The following NUFIP2 variants were observed in gnomAD, a reference collection of about 807,000 sequenced individuals.
NUFIP2 encodes nuclear FMR1 interacting protein 2.
NUFIP2 carries 6 observed loss-of-function variants against 56.9 expected under a neutral mutation model. The ratio of observed to expected loss-of-function variants is 0.11; its 90% CI spans 0.06 to 0.21. The LOEUF is 0.21. NUFIP2 is among the 10% of genes least tolerant of loss of function. The pLI is 1.00. For synonymous variants in NUFIP2, 321 were observed against 298.2 expected (o/e 1.08, Z -0.79); for missense variants, 828 against 826.8 (o/e 1.00, Z -0.02).
rs1378486701 is a variant in NUFIP2 at position 29,258,930 on chromosome 17, A to G, written c.*5609T>C. On this transcript the variant is annotated 3_prime_UTR_variant, in exon 4 of 4. Transcript: ENST00000225388. ...CAACAATATCTAATGAAATGTATTCAAGATCATGAAAGGATCCTCCTCTAT... is the reference window on the plus strand; with the variant it reads ...CAACAATATCTAATGAAATGTATTCGAGATCATGAAAGGATCCTCCTCTAT... 6.6e-6 allele frequency: 1 copy of G among 152,246 alleles called. No individual in the cohort carries two copies. Among genetic ancestry groups the G allele is most frequent in the Non-Finnish European group, 1.5e-5 (1 of 68,044 alleles). 9.4% of individuals were successfully genotyped at this position (152,246 alleles called of 1,614,324 possible). A position where few individuals can be genotyped will look rare whatever the true frequency, so the allele number is the denominator to read the frequency against.
At chr17:29,279,144 G>A (rs1004499600) in intron 2 of NUFIP2, among the ~76,000 whole-genome samples, 3 of 152,100 alleles carry the variant, frequency 2.0e-5, no homozygotes, top group Non-Finnish European at 4.4e-5. Flanking sequence ...TGCAGTAAAC[G>A]TGAAAATACT....
At chr17:29,293,622 G>T (rs1210395850) in intron 1 of NUFIP2, among the ~76,000 whole-genome samples, 161 bp downstream of exon 1, 2 of 152,008 alleles carry the variant, frequency 1.3e-5, no homozygotes, top group Non-Finnish European at 2.9e-5. Context: ...AAACCCCATT[G>T]CTCAGCCCGA....
intron 2 of NUFIP2, among the ~76,000 whole-genome samples, chr17:29,279,343 T>TA (rs200474069): frequency 6.6e-6 from 1 of 152,140 alleles, no homozygotes; most frequent in Non-Finnish European, 1.5e-5. Context: ...AAAAGCTTTT[T>TA]AAAAAATTTT....
In NUFIP2 at chr17:29,294,012, G is replaced by A. The variant is rs1329187723; in HGVS notation, c.48C>T (p.His16=). 1 of 1,612,956 alleles carries A rather than the reference G, an allele frequency of 6.2e-7. No homozygotes were observed. Among genetic ancestry groups the A allele is most frequent in the Non-Finnish European group, 8.5e-7 (1 of 1,179,374 alleles). ...GQPQPQHHHS[H]HHPHHHPQQQ... is the part of the protein sequence containing the mutation. ...GCTGAGGGTGATGGTGCGGATGGTG[G>A]TGGCTGTGATGGTGCTGAGGCTGTG... is the stretch of plus-strand genomic sequence containing the variant. Residue 16 remains histidine (H), a synonymous_variant, in exon 1 of 4, where the codon CAC becomes CAT. Coordinates refer to ENST00000225388, the MANE Select transcript of NUFIP2 (RefSeq NM_020772.3).
rs749597674 is a variant in NUFIP2, at chr17:29,286,224, G to A, written c.1770C>T (p.Ala590=). ...CTATATGACTGGGTTCCAAGGATAAGGCTCCACTCTCACTAGTAGTCCCAG... is the reference window on the plus strand; with the variant it reads ...CTATATGACTGGGTTCCAAGGATAAAGCTCCACTCTCACTAGTAGTCCCAG... The part of the protein sequence containing the change: ...LKSGTTSESG[A]LSLEPSHIGD... Residue 590 remains alanine (A), a synonymous_variant, in exon 2 of 4, where the codon GCC becomes GCT. Transcript: ENST00000225388. 13 of 1,614,146 alleles carry A rather than the reference G, an allele frequency of 8.1e-6. No homozygotes were observed. The East Asian group carries it at 2.9e-4, about 36-fold the overall frequency.
chr17:29,270,422 G>T (rs1203792360), intron 2 of NUFIP2, among the ~76,000 whole-genome samples: 2 of 150,760 alleles, frequency 1.3e-5, no homozygotes, highest in African/African-American at 4.9e-5. Flanking sequence ...TTCAAACAAC[G>T]AGGAACAGTT....
At chr17:29,283,803 G>C (rs777501510) in intron 2 of NUFIP2, among the ~76,000 whole-genome samples, 1 of 152,238 alleles carries the variant, frequency 6.6e-6, no homozygotes, top group Non-Finnish European at 1.5e-5. Flanking sequence ...TTATCTTTTT[G>C]CCCTAACATT....
At position 29,259,473 on chromosome 17, in the gene NUFIP2, G is replaced by A. The variant is rs1421085432; in HGVS notation, c.*5066C>T. 6.6e-6 allele frequency: 1 copy of A among 151,986 alleles called. No homozygotes were observed. The highest frequency in any genetic ancestry group is 1.5e-5 in the Non-Finnish European group (1 of 68,160). 9.4% of individuals were successfully genotyped at this position (151,986 alleles called of 1,614,324 possible). A position where few individuals can be genotyped will look rare whatever the true frequency, so the allele number is the denominator to read the frequency against. On this transcript the variant is annotated 3_prime_UTR_variant, in exon 4 of 4. Coordinates refer to ENST00000225388, the MANE Select transcript of NUFIP2 (RefSeq NM_020772.3). ...TGTGCGCCCGTAATCCCAGCTACAT[G>A]GGAGGCTGAGGCAGGGGAATTGCTT... is the stretch of plus-strand genomic sequence containing the variant.
intron 2 of NUFIP2, among the ~76,000 whole-genome samples, chr17:29,282,086 G>C (rs1354170964): frequency 6.6e-6 from 1 of 151,738 alleles, no homozygotes; most frequent in East Asian, 1.9e-4. Flanking sequence ...ATGCTCTATT[G>C]TATCTTTACT....
chr17:29,289,117 G>A (rs1598436355), intron 1 of NUFIP2, among the ~76,000 whole-genome samples: 1 of 152,180 alleles, frequency 6.6e-6, no homozygotes, highest in Admixed American at 6.5e-5. Context: ...CTGCCTTCTA[G>A]CTTGAGTGAC....
At chr17:29,293,719 C>T in intron 1 of NUFIP2, 64 bp downstream of exon 1, 1 of 1,398,618 alleles carries the variant, frequency 7.1e-7, no homozygotes. Context: ...GGATCCAGCC[C>T]CACCCCCATC....
At chr17:29,284,468 G>A (rs962572908) in intron 2 of NUFIP2, among the ~76,000 whole-genome samples, 34 of 151,630 alleles carry the variant, frequency 2.2e-4, no homozygotes, top group Admixed American at 2.0e-4. Flanking sequence ...CACTTTGGGA[G>A]ACCCAGGTGG....
chr17:29,289,023 C>T (rs2069194828), intron 1 of NUFIP2, among the ~76,000 whole-genome samples: 1 of 152,100 alleles, frequency 6.6e-6, no homozygotes, highest in Non-Finnish European at 1.5e-5. Flanking sequence ...TGTGCCTATA[C>T]TCCCAGCTGG....
chr17:29,273,864 T>C lies in NUFIP2; in HGVS notation c.2003-6334A>G, dbSNP rs187974596. On this transcript the variant is annotated intron_variant, in intron 2 of 3. Transcript: ENST00000225388. ...GTTCAATTTCCTAGAGCAGACTTTC[T>C]ACATAATACCTCCCTATCACAATGC... is the stretch of plus-strand genomic sequence containing the variant. 1.2e-4 allele frequency among the ~76,000 whole-genome samples: 19 copies of C among 152,304 alleles called. No homozygotes were observed. The South Asian group carries it at 1.7e-3, about 13-fold the overall frequency.
chr17:29,264,460 A>G lies in NUFIP2; in HGVS notation c.*79T>C. 2 of 843,642 alleles carry G rather than the reference A, an allele frequency of 2.4e-6. No homozygotes were observed. Among genetic ancestry groups the G allele is most frequent in the South Asian group, 1.6e-5 (1 of 64,142 alleles). 52.3% of individuals were successfully genotyped at this position (843,642 alleles called of 1,614,324 possible). ...GGTTCCTCTGCTGCGTTGAAGATCT[A>G]GGAGCATAAAAGCCTTGTGTCCCCC... On this transcript the variant is annotated 3_prime_UTR_variant, in exon 4 of 4. Transcript: ENST00000225388.
intron 3 of NUFIP2, among the ~76,000 whole-genome samples, chr17:29,265,055 T>C (rs948834630): frequency 2.0e-5 from 3 of 152,176 alleles, no homozygotes; most frequent in African/African-American, 7.2e-5. Context: ...CACCAAAAAC[T>C]TGACGTTAAA....
rs2068975426 is a variant in NUFIP2, at chr17:29,257,063, A to T, written c.*7476T>A. Reference sequence around the variant, plus strand: ...ATTACTTTCCATTTCTATTTGATCAAATAAACCAAAATATTACTAAGGAAG... The same window carrying T: ...ATTACTTTCCATTTCTATTTGATCATATAAACCAAAATATTACTAAGGAAG... On this transcript the variant is annotated 3_prime_UTR_variant, in exon 4 of 4. Transcript: ENST00000225388. The T allele has an allele frequency of 6.6e-6, 1 of 152,220 alleles. No individual in the cohort carries two copies. Among genetic ancestry groups the T allele is most frequent in the Non-Finnish European group, 1.5e-5 (1 of 68,022 alleles). 9.4% of individuals were successfully genotyped at this position (152,220 alleles called of 1,614,324 possible).
chr17:29,287,736 G>T lies in NUFIP2; in HGVS notation c.278-20C>A, dbSNP rs759980466. ...CATAGCCTAGGGGAGGGGAAAAAAA[G>T]GATTAAAAAAAAAAATCACAACATG... On this transcript the variant is annotated intron_variant, in intron 1 of 3. Coordinates refer to ENST00000225388, the MANE Select transcript of NUFIP2 (RefSeq NM_020772.3). 1 of 1,532,026 alleles carries T rather than the reference G, an allele frequency of 6.5e-7. No individual in the cohort carries two copies. Among genetic ancestry groups the T allele is most frequent in the South Asian group, 1.2e-5 (1 of 80,104 alleles). 94.9% of individuals were successfully genotyped at this position (1,532,026 alleles called of 1,614,324 possible).
chr17:29,269,260 T>C (rs911464533), intron 2 of NUFIP2, among the ~76,000 whole-genome samples: 1 of 152,192 alleles, frequency 6.6e-6, no homozygotes, highest in Admixed American at 6.5e-5. Flanking sequence ...TATGTGTAAC[T>C]ACATTCCAAT....
Sources: allele counts gnomAD v4.1 joint callset (sites outside exome capture counted in the v4.1 genomes callset), GRCh38; gene constraint gnomAD v4.1.1; transcripts MANE v1.5; gene names NCBI Gene and HGNC (gene_info 2026-07-23, HGNC 2026-07-21).